The following PDE7A variants were observed in gnomAD, a reference collection of about 807,000 sequenced individuals.
PDE7A encodes high affinity 3',5'-cyclic-AMP phosphodiesterase 7A.
In PDE7A, 39 loss-of-function variants were observed where a neutral mutation model predicts 64.3. The observed-to-expected ratio is 0.61, with a 90% confidence interval of 0.47 to 0.79. The LOEUF (loss-of-function observed/expected upper bound fraction) is 0.79, where lower values mean the gene tolerates loss of function less well. Among genes scored for constraint, PDE7A ranks in the 30% least tolerant of loss-of-function variants. The probability of loss-of-function intolerance (pLI) is 0.00; values close to 1 mark genes in which losing one functional copy is unlikely to be tolerated. For synonymous variants in PDE7A, 203 were observed against 206.8 expected (o/e 0.98, Z 0.16); for missense variants, 470 against 582.8 (o/e 0.81, Z 1.99).
intron 1 of PDE7A, among the ~76,000 whole-genome samples, chr8:65,817,291 T>C (rs1810431274): frequency 6.6e-6 from 1 of 152,234 alleles, no homozygotes; most frequent in Non-Finnish European, 1.5e-5. Flanking sequence ...TGTGTTATAC[T>C]TACATACCAT....
At position 65,734,950 on chromosome 8, in the gene PDE7A, C is replaced by T. The variant is rs1013333490; in HGVS notation, c.596-56G>A. On this transcript the variant is annotated intron_variant, in intron 6 of 12. Coordinates refer to ENST00000401827, the MANE Select transcript of PDE7A (RefSeq NM_001242318.3). ...TGTATATGAGCAACATATACAAGGA[C>T]AAAAATTGTGATAATTATGAGTTAC... is the stretch of plus-strand genomic sequence containing the variant. 19 of 1,083,632 alleles carry T rather than the reference C, an allele frequency of 1.8e-5. No homozygotes were observed. The African/African-American group carries it at 2.2e-4, about 12-fold the overall frequency. 67.1% of individuals were successfully genotyped at this position (1,083,632 alleles called of 1,614,324 possible). A position where few individuals can be genotyped will look rare whatever the true frequency, so the allele number is the denominator to read the frequency against.
At chr8:65,779,410 AAGT>A (rs1371147920) in intron 3 of PDE7A, among the ~76,000 whole-genome samples, 1 of 152,242 alleles carries the variant, frequency 6.6e-6, no homozygotes, top group Non-Finnish European at 1.5e-5. Context: ...ATTTCAGTTG[AAGT>A]AGTGAAGACT....
At position 65,803,577 on chromosome 8, in the gene PDE7A, T is replaced by G. The variant is rs551270641; in HGVS notation, c.139-20734A>C. 6.5e-4 allele frequency among the ~76,000 whole-genome samples: 99 copies of G among 152,318 alleles called. 2 individuals are homozygous for G. Among genetic ancestry groups the G allele is most frequent in the South Asian group, 8.3e-4 (4 of 4,828 alleles). ...CAAGACATGGCTGGAATAGGTGGTG[T>G]TTAATCTTTTGAAGAATGACAAACC... On this transcript the variant is annotated intron_variant, in intron 1 of 12. Coordinates refer to ENST00000401827, the MANE Select transcript of PDE7A (RefSeq NM_001242318.3).
chr8:65,714,938 T>G lies in PDE7A; in HGVS notation c.*4352A>C, dbSNP rs1806073438. On this transcript the variant is annotated 3_prime_UTR_variant, in exon 13 of 13. Coordinates refer to ENST00000401827, the MANE Select transcript of PDE7A (RefSeq NM_001242318.3). Reference sequence around the variant, plus strand: ...CAGAGTATCATTACCAACCATCACATTTACAGTGAGTACAAATATTGACCA... The same window carrying G: ...CAGAGTATCATTACCAACCATCACAGTTACAGTGAGTACAAATATTGACCA... Among the ~76,000 whole-genome samples the G allele has an allele frequency of 6.6e-6, 1 of 152,172 alleles. No homozygotes were observed. Among genetic ancestry groups the G allele is most frequent in the Non-Finnish European group, 1.5e-5 (1 of 68,028 alleles).
chr8:65,829,532 C>T (rs1810761123), intron 1 of PDE7A, among the ~76,000 whole-genome samples: 1 of 152,090 alleles, frequency 6.6e-6, no homozygotes, highest in South Asian at 2.1e-4. Context: ...AGAATTCCTA[C>T]AGCTCAATCC....
In PDE7A at chr8:65,841,498, C is replaced by T. The variant is rs752805563; in HGVS notation, c.11G>A (p.Cys4Tyr). The T allele has an allele frequency of 4.5e-6, 7 of 1,541,784 alleles. No homozygotes were observed. Among genetic ancestry groups the T allele is most frequent in the East Asian group, 2.7e-5 (1 of 37,044 alleles). The change falls in exon 1 of 13, where the codon TGT becomes TAT. Residue 4 changes from cysteine to tyrosine, a missense_variant. Cys to Tyr is a radical substitution (Grantham distance 194). Coordinates refer to ENST00000401827, the MANE Select transcript of PDE7A (RefSeq NM_001242318.3). ...CAGGGGCAGTACCGGCAGCTGGTAA[C>T]ACACTTCCATTGAATACGCCCGCCC... is the stretch of plus-strand genomic sequence containing the variant. MEV[C>Y]YQLPVLPLDR... is the part of the protein sequence containing the mutation.
At position 65,717,314 on chromosome 8, in the gene PDE7A, C is replaced by G. The variant is rs1331433658; in HGVS notation, c.*1976G>C. Among the ~76,000 whole-genome samples, 1 of 152,222 alleles carries G rather than the reference C, an allele frequency of 6.6e-6. No individual in the cohort carries two copies. The highest frequency in any genetic ancestry group is 1.9e-4 in the East Asian group (1 of 5,202). On this transcript the variant is annotated 3_prime_UTR_variant, in exon 13 of 13. Transcript: ENST00000401827. ...TGGCACAGTGGTACCTTGTTTACAA[C>G]TGATATCAATCAAGTAGAGTGGAGT...
At chr8:65,745,522 CT>C in intron 4 of PDE7A, 52 bp from the exon 5 acceptor site, 2 of 989,870 alleles carry the variant, frequency 2.0e-6, no homozygotes, top group Non-Finnish European at 3.2e-6. Flanking sequence ...ATAACATTGT[CT>C]TTTGGAGATA....
At chr8:65,734,049 C>G (rs1178678304) in intron 7 of PDE7A, among the ~76,000 whole-genome samples, 9 of 152,154 alleles carry the variant, frequency 5.9e-5, no homozygotes, top group Non-Finnish European at 1.0e-4. Flanking sequence ...CTCTTCTATA[C>G]TTCAGACTCT....
intron 1 of PDE7A, among the ~76,000 whole-genome samples, chr8:65,786,472 A>G (rs1013516218): frequency 2.0e-5 from 3 of 152,186 alleles, no homozygotes; most frequent in Non-Finnish European, 4.4e-5. Context: ...ACAGTAACTC[A>G]TTTTGGAAAA....
intron 1 of PDE7A, among the ~76,000 whole-genome samples, chr8:65,825,433 C>T (rs528347122): frequency 4.3e-4 from 66 of 152,166 alleles, no homozygotes; most frequent in Non-Finnish European, 7.9e-4. Flanking sequence ...ACCAGCATAG[C>T]AGAGGAGCTT....
At chr8:65,838,368 G>A (rs1240960378) in intron 1 of PDE7A, 2 of 152,080 alleles carry the variant, frequency 1.3e-5, no homozygotes, top group African/African-American at 4.8e-5. Flanking sequence ...AAACGACAAA[G>A]AACAGGCTTC....
chr8:65,718,540 T>C lies in PDE7A; in HGVS notation c.*750A>G, dbSNP rs1806237575. The C allele has an allele frequency of 1.3e-5, 2 of 152,472 alleles. No individual in the cohort carries two copies. Among genetic ancestry groups the C allele is most frequent in the African/African-American group, 2.4e-5 (1 of 41,468 alleles). The allele number at this position is 152,472 out of a possible 1,614,324, so 9.4% of individuals were successfully genotyped here. A position where few individuals can be genotyped will look rare whatever the true frequency, so the allele number is the denominator to read the frequency against. On this transcript the variant is annotated 3_prime_UTR_variant, in exon 13 of 13. Transcript: ENST00000401827. ...TAATACAGCTAGGACATTGGTGTTC[T>C]TCCCCTCCCACCCCAAATTAAAAAC...
At chr8:65,803,600 A>C (rs767239541) in intron 1 of PDE7A, among the ~76,000 whole-genome samples, 1 of 152,036 alleles carries the variant, frequency 6.6e-6, no homozygotes, top group Non-Finnish European at 1.5e-5. Context: ...AGAATGACAA[A>C]CCCCTTTTAA....
intron 1 of PDE7A, among the ~76,000 whole-genome samples, chr8:65,818,234 T>C (rs1463392730): frequency 6.6e-6 from 1 of 152,220 alleles, no homozygotes; most frequent in Non-Finnish European, 1.5e-5. Flanking sequence ...TTTCCTCGTG[T>C]ATGCGTCACC....
chr8:65,804,869 G>T (rs564468124), intron 1 of PDE7A, among the ~76,000 whole-genome samples: 9 of 151,998 alleles, frequency 5.9e-5, no homozygotes, highest in Admixed American at 5.2e-4. Context: ...ATGGGATCTT[G>T]CTCTGTCACC....
rs542015106 is a variant in PDE7A, at chr8:65,839,691, C to T, written c.138+1680G>A. On this transcript the variant is annotated intron_variant, in intron 1 of 12. Transcript: ENST00000401827. ...AATTCTACAATATTTGCTTCATCTGCCACAATCATATTTTTAAAATTCCAT... is the reference window on the plus strand; with the variant it reads ...AATTCTACAATATTTGCTTCATCTGTCACAATCATATTTTTAAAATTCCAT... Among the ~76,000 whole-genome samples the T allele has an allele frequency of 1.4e-4, 21 of 152,106 alleles. No individual in the cohort carries two copies. In the South Asian group the frequency reaches 4.2e-3, roughly 30 times the overall value.
intron 5 of PDE7A, among the ~76,000 whole-genome samples, 187 bp from the exon 6 acceptor site, chr8:65,739,784 A>AAAAATTT (rs1321077796): frequency 3.3e-5 from 5 of 152,348 alleles, no homozygotes; most frequent in Admixed American, 6.5e-5. Context: ...TCATTATAAG[A>AAAAATTT]AAAATTTAAT....
At chr8:65,720,845 GCCA>G (rs2129063762) in intron 12 of PDE7A, among the ~76,000 whole-genome samples, 1 of 152,320 alleles carries the variant, frequency 6.6e-6, no homozygotes, top group Admixed American at 6.5e-5. Context: ...GTTATGTTGA[GCCA>G]GCCACCCAAA....
Sources: gnomAD v4.1 joint callset for allele counts (sites outside exome capture counted in the v4.1 genomes callset) on GRCh38, gnomAD v4.1.1 for gene constraint, MANE v1.5 for transcripts, NCBI Gene and HGNC (gene_info 2026-07-23, HGNC 2026-07-21) for gene names.